The following IL1RAPL1 variants were observed in gnomAD, a reference collection of about 807,000 sequenced individuals.
The protein encoded by IL1RAPL1 is interleukin-1 receptor accessory protein-like 1.
A neutral mutation model predicts 48.4 loss-of-function variants in IL1RAPL1; 3 were observed. That is an observed-to-expected ratio of 0.06 (90% CI 0.03 to 0.16). The LOEUF is 0.16. Ranked by LOEUF, IL1RAPL1 falls within the 10% of genes least tolerant of loss-of-function variation. The pLI, the probability that IL1RAPL1 is intolerant of heterozygous loss-of-function variation, is 1.00. For synonymous variants in IL1RAPL1, 185 were observed against 187.7 expected (o/e 0.99, Z 0.12); for missense variants, 349 against 530.6 (o/e 0.66, Z 3.36).
chrX:29,888,549 T>C (rs1932214337), intron 6 of IL1RAPL1, among the ~76,000 whole-genome samples: 3 of 111,117 alleles, frequency 2.7e-5, no homozygotes, highest in African/African-American at 9.8e-5. Context: ...GAGGTCAAAA[T>C]AGTCCTAATG....
At chrX:29,180,083 ATC>A (rs772715302) in intron 2 of IL1RAPL1, among the ~76,000 whole-genome samples, 3 of 108,447 alleles carry the variant, frequency 2.8e-5, no homozygotes, top group Admixed American at 1.0e-4. Context: ...CAACAAATCA[ATC>A]TCTCTCTCTC....
chrX:29,665,059 A>T (rs1417861059), intron 5 of IL1RAPL1, among the ~76,000 whole-genome samples: 2 of 112,567 alleles, frequency 1.8e-5, no homozygotes, highest in Non-Finnish European at 3.8e-5. Context: ...TTGTTGGTGA[A>T]TACAAAGCTA....
At chrX:29,727,146 T>C (rs1927793352) in intron 6 of IL1RAPL1, among the ~76,000 whole-genome samples, 1 of 111,979 alleles carries the variant, frequency 8.9e-6, no homozygotes, top group Non-Finnish European at 1.9e-5. Flanking sequence ...GATTCTGCTC[T>C]TTCTTCCAGA....
At chrX:29,398,966 C>G (rs1033705405) in intron 4 of IL1RAPL1, among the ~76,000 whole-genome samples, 189 bp from the exon 5 acceptor site, 1 of 111,917 alleles carries the variant, frequency 8.9e-6, no homozygotes, top group East Asian at 2.8e-4. Flanking sequence ...GTGCAACTTG[C>G]CATATTATTC....
At chrX:29,709,035 T>C in intron 6 of IL1RAPL1, among the ~76,000 whole-genome samples, 1 of 112,439 alleles carries the variant, frequency 8.9e-6, no homozygotes, top group South Asian at 3.7e-4. Context: ...AAATATTTGT[T>C]CAGATCCTTT....
intron 1 of IL1RAPL1, among the ~76,000 whole-genome samples, chrX:28,786,117 G>T (rs1332385909): frequency 9.0e-6 from 1 of 111,605 alleles, no homozygotes; most frequent in Non-Finnish European, 1.9e-5. Flanking sequence ...GTGAATATTA[G>T]TAGTATGAAT....
rs1569203664 is a variant in IL1RAPL1, at chrX:29,920,056, A to G, written c.1019A>G (p.Asn340Ser). ...GNYSCYVENG[N>S]GRRHASVLLH... ...TACTCCTGTTATGTTGAAAATGGAA[A>G]TGGACGTCGACACGCCAGCGTTCTC... The change falls in exon 8 of 11, where the codon AAT becomes AGT. Residue 340 changes from asparagine (N) to serine (S), a missense_variant. By Grantham distance (46) the Asn-to-Ser change is conservative (BLOSUM62 1). Coordinates refer to ENST00000378993, the MANE Select transcript of IL1RAPL1 (RefSeq NM_014271.4). 8 of 1,211,475 alleles carry G rather than the reference A, an allele frequency of 6.6e-6. No individual in the cohort carries two copies. Among genetic ancestry groups the G allele is most frequent in the Non-Finnish European group, 8.9e-6 (8 of 895,174 alleles).
At chrX:29,243,717 T>C (rs1016422617) in intron 2 of IL1RAPL1, among the ~76,000 whole-genome samples, 1 of 111,767 alleles carries the variant, frequency 8.9e-6, no homozygotes, top group Non-Finnish European at 1.9e-5. Context: ...TCTAACATCT[T>C]TTCTCTCATC....
intron 1 of IL1RAPL1, among the ~76,000 whole-genome samples, chrX:28,741,224 A>T (rs1935903138): frequency 9.0e-6 from 1 of 111,582 alleles, no homozygotes; most frequent in African/African-American, 3.3e-5. Context: ...CTTTTTGGTA[A>T]TAGTCATTCT....
At chrX:29,167,612 A>C (rs989484321) in intron 2 of IL1RAPL1, among the ~76,000 whole-genome samples, 3 of 110,765 alleles carry the variant, frequency 2.7e-5, no homozygotes, top group Admixed American at 9.8e-5. Flanking sequence ...AAAGCTTTAT[A>C]TTAAAGACAA....
At chrX:29,012,314 G>A (rs1276486783) in intron 2 of IL1RAPL1, among the ~76,000 whole-genome samples, 5 of 112,039 alleles carry the variant, frequency 4.5e-5, no homozygotes, top group Non-Finnish European at 5.6e-5. Flanking sequence ...AGGCTGAGGC[G>A]GGTAGATCGC....
chrX:29,606,190 A>G (rs1399021448), intron 5 of IL1RAPL1, among the ~76,000 whole-genome samples: 2 of 112,151 alleles, frequency 1.8e-5, no homozygotes, highest in Non-Finnish European at 3.8e-5. Context: ...TAAGTTATGC[A>G]TAGAAATGTA....
intron 2 of IL1RAPL1, among the ~76,000 whole-genome samples, chrX:29,019,426 A>G (rs190300878): frequency 4.8e-4 from 54 of 111,361 alleles, no homozygotes; most frequent in Non-Finnish European, 6.2e-4. Flanking sequence ...TATCTCAAGA[A>G]AACTGTTATT....
intron 6 of IL1RAPL1, among the ~76,000 whole-genome samples, chrX:29,805,981 A>AAG (rs370898336): frequency 1.0e-4 from 11 of 107,065 alleles, no homozygotes; most frequent in South Asian, 4.0e-4. Context: ...TATATACAGG[A>AAG]AGAGAGAGAG....
intron 2 of IL1RAPL1, among the ~76,000 whole-genome samples, chrX:28,925,767 A>C (rs1424849944): frequency 6.3e-5 from 7 of 110,925 alleles, no homozygotes; most frequent in Non-Finnish European, 1.9e-5. Flanking sequence ...CTAAAAATAC[A>C]AAATTTAGCT....
At chrX:28,708,811 C>T (rs1156587070) in intron 1 of IL1RAPL1, among the ~76,000 whole-genome samples, 1 of 110,459 alleles carries the variant, frequency 9.1e-6, no homozygotes, top group African/African-American at 3.3e-5. Context: ...GGAAGGGTGA[C>T]TTGAGGGAGA....
rs1243783524 is a variant in IL1RAPL1, at chrX:29,647,110, G to A, written c.704-21320G>A. ...CACACCTGTAATCCCAGCACTTTGG[G>A]AGGCTGAGGTGGGTGGATCACCTGA... On this transcript the variant is annotated intron_variant, in intron 5 of 10. Coordinates refer to ENST00000378993, the MANE Select transcript of IL1RAPL1 (RefSeq NM_014271.4). Among the ~76,000 whole-genome samples the A allele has an allele frequency of 2.7e-5, 3 of 112,397 alleles. No homozygotes were observed. In the East Asian group the frequency reaches 8.3e-4, roughly 31 times the overall value.
At chrX:29,644,104 C>A (rs1484126109) in intron 5 of IL1RAPL1, among the ~76,000 whole-genome samples, 1 of 111,897 alleles carries the variant, frequency 8.9e-6, no homozygotes, top group Non-Finnish European at 1.9e-5. Context: ...ACTCTAAAGT[C>A]TTTGTTCTTT....
intron 1 of IL1RAPL1, among the ~76,000 whole-genome samples, chrX:28,687,535 C>A (rs1935125221): frequency 8.9e-6 from 1 of 111,819 alleles, no homozygotes; most frequent in African/African-American, 3.2e-5. Context: ...GTGATCCCAG[C>A]ACTTTGGGAG....
Sources: gnomAD v4.1 joint callset for allele counts (sites outside exome capture counted in the v4.1 genomes callset) on GRCh38, gnomAD v4.1.1 for gene constraint, MANE v1.5 for transcripts, NCBI Gene and HGNC (gene_info 2026-07-23, HGNC 2026-07-21) for gene names.